PCGF2: variants seen among roughly 807,000 people sequenced by gnomAD.
PCGF2 encodes the protein polycomb group RING finger protein 2.
Under a neutral mutation model 36.1 loss-of-function variants are expected in PCGF2, and 8 were observed. That is an observed-to-expected ratio of 0.22 (90% CI 0.13 to 0.40). PCGF2 has a LOEUF of 0.40. Ranked by LOEUF, PCGF2 falls within the 10% of genes least tolerant of loss-of-function variation. The pLI, the probability that PCGF2 is intolerant of heterozygous loss-of-function variation, is 1.00. For missense variants in PCGF2, 436 were observed against 475.9 expected, an observed-to-expected ratio of 0.92 and a Z score of 0.78; for synonymous variants, 198 against 191.2, an observed-to-expected ratio of 1.04 and a Z score of -0.29.
rs1907022207 is a variant in PCGF2, at chr17:38,739,428, G to A, written c.209+158C>T. Among the ~76,000 whole-genome samples, 1 of 151,990 alleles carries A rather than the reference G, an allele frequency of 6.6e-6. No individual in the cohort carries two copies. The highest frequency in any genetic ancestry group is 1.5e-5 in the Non-Finnish European group (1 of 67,978). On this transcript the variant is annotated intron_variant, in intron 4 of 10. Transcript: ENST00000620225. The surrounding 1 kb of genome is among the most constrained non-coding windows in gnomAD (Gnocchi z 4.0). Reference sequence around the variant, plus strand: ...CCTCTAGTATGCCTCACCCTGTGATGAGCCAAATGTAACCCCAAGGTCGGG... The same window carrying A: ...CCTCTAGTATGCCTCACCCTGTGATAAGCCAAATGTAACCCCAAGGTCGGG...
chr17:38,738,801 C>G lies in PCGF2; in HGVS notation c.377G>C (p.Ser126Thr). 1 of 1,614,178 alleles carries G rather than the reference C, an allele frequency of 6.2e-7. No individual in the cohort carries two copies. The highest frequency in any genetic ancestry group is 8.5e-7 in the Non-Finnish European group (1 of 1,179,998). ...GGAGAGGCTGACAATCTCATCATCA[C>G]TCAGAGCCCCCTTCTCCTGCTCCAA... ...EVLEQEKGAL[S>T]DDEIVSLSIE... The change falls in exon 7 of 11, where the codon AGT becomes ACT. Residue 126 changes from serine (S) to threonine (T), a missense_variant. Ser to Thr is a moderately conservative substitution (Grantham distance 58). Around this residue, in one of 3 missense-constraint regions of PCGF2, gnomAD observed 189 missense variants for 219.3 expected, o/e 0.86. Transcript: ENST00000620225.
In PCGF2 at chr17:38,736,112, G is replaced by A. The variant is rs1446850294; in HGVS notation, c.635C>T (p.Ala212Val). 3 of 1,583,938 alleles carry A rather than the reference G, an allele frequency of 1.9e-6. No individual in the cohort carries two copies. Among genetic ancestry groups the A allele is most frequent in the Non-Finnish European group, 2.6e-6 (3 of 1,164,628 alleles). Residue 212 changes from alanine to valine, a missense_variant, in exon 10 of 11, where the codon GCC becomes GTC. This residue lies in a region of PCGF2 where 227 missense variants were observed against 212.9 expected (regional missense o/e 1.07). Coordinates refer to ENST00000620225, the MANE Select transcript of PCGF2 (RefSeq NM_007144.3). The part of the protein sequence containing the change: ...LKEYYTLMDI[A>V]YIYPWRRNGP... ...CACCCGCCGCCAGGGGTAGATGTAG[G>A]CGATGTCCATGAGGGTGTAGTATTC...
intron 2 of PCGF2, chr17:38,746,632 A>C (rs1267493118): frequency 6.6e-6 from 1 of 152,462 alleles, no homozygotes; most frequent in Non-Finnish European, 1.5e-5. Flanking sequence ...GGCTCTCTCC[A>C]TTCCCATGAC....
intron 9 of PCGF2, 107 bp from the exon 10 acceptor site, chr17:38,736,277 T>C: frequency 4.2e-6 from 3 of 713,938 alleles, no homozygotes; most frequent in Non-Finnish European, 7.6e-6. Context: ...GATTTACAGA[T>C]GGTCCCTTAT....
chr17:38,744,129 C>T (rs1320640739), intron 2 of PCGF2, among the ~76,000 whole-genome samples: 1 of 152,168 alleles, frequency 6.6e-6, no homozygotes, highest in African/African-American at 2.4e-5. Context: ...CCAAGCCCTT[C>T]AGTGTCTTCT....
At chr17:38,745,256 C>T (rs1320755017) in intron 2 of PCGF2, among the ~76,000 whole-genome samples, 4 of 152,160 alleles carry the variant, frequency 2.6e-5, no homozygotes, top group African/African-American at 9.7e-5. Context: ...CGCTTGAATC[C>T]AGGAGGCAGA....
At chr17:38,736,664 C>A (rs1906768148) in intron 9 of PCGF2, among the ~76,000 whole-genome samples, 1 of 151,996 alleles carries the variant, frequency 6.6e-6, no homozygotes, top group Non-Finnish European at 1.5e-5. Flanking sequence ...GAAACCCCGT[C>A]TCTACTAAAA....
chr17:38,742,895 A>T (rs1413968238), intron 2 of PCGF2, among the ~76,000 whole-genome samples: 1 of 152,150 alleles, frequency 6.6e-6, no homozygotes, highest in African/African-American at 2.4e-5. Flanking sequence ...GCCACCAACA[A>T]ACATGCTGAT....
chr17:38,735,111 C>A lies in PCGF2; in HGVS notation c.*112G>T, dbSNP rs1906578024. ...TATATTTATTTATAAAACCCGCCCC[C>A]CACCCCCAAGGTGGGAAGAGCTGGG... On this transcript the variant is annotated 3_prime_UTR_variant, in exon 11 of 11. Coordinates refer to ENST00000620225, the MANE Select transcript of PCGF2 (RefSeq NM_007144.3). 4.9e-6 allele frequency: 4 copies of A among 809,762 alleles called. No homozygotes were observed. Among genetic ancestry groups the A allele is most frequent in the Non-Finnish European group, 6.9e-6 (4 of 578,212 alleles). 50.2% of individuals were successfully genotyped at this position (809,762 alleles called of 1,614,324 possible).
Position 38,738,877 on chromosome 17 carries a change from GCT to G in PCGF2, c.317-18_317-17del. 4 of 1,607,582 alleles carry G rather than the reference GCT, an allele frequency of 2.5e-6. No homozygotes were observed. The highest frequency in any genetic ancestry group is 3.4e-6 in the Non-Finnish European group (4 of 1,174,444). On this transcript the variant is annotated splice_polypyrimidine_tract_variant and intron_variant, in intron 6 of 10. Transcript: ENST00000620225. ...CCGTTGGGGACTGCAGAAGGAAAGA[GCT>G]CTCGGGTTGGCGGAGGATGTAGGAA...
chr17:38,740,724 A>C (rs1353877858), intron 2 of PCGF2, among the ~76,000 whole-genome samples: 1 of 152,036 alleles, frequency 6.6e-6, no homozygotes, highest in Non-Finnish European at 1.5e-5. Context: ...ATGCCACTGC[A>C]CTCCAGCCTG....
chr17:38,748,824 C>A (rs1159687876), upstream of PCGF2, among the ~76,000 whole-genome samples: 1 of 152,112 alleles, frequency 6.6e-6, no homozygotes, highest in African/African-American at 2.4e-5. Flanking sequence ...GGCGTCCGAG[C>A]GATTTTCATT....
intron 2 of PCGF2, among the ~76,000 whole-genome samples, chr17:38,741,255 A>C (rs956790755): frequency 6.6e-6 from 1 of 151,908 alleles, no homozygotes; most frequent in African/African-American, 2.4e-5. Flanking sequence ...TGGGCGACAG[A>C]GCGAGACTCT....
chr17:38,742,600 G>A (rs3785458), intron 2 of PCGF2, among the ~76,000 whole-genome samples: 69 of 152,136 alleles, frequency 4.5e-4, no homozygotes, highest in Non-Finnish European at 9.1e-4. Context: ...CCCACCCCAC[G>A]CAGGGTGGCC....
At chr17:38,744,354 T>C (rs931313986) in intron 2 of PCGF2, among the ~76,000 whole-genome samples, 1 of 151,286 alleles carries the variant, frequency 6.6e-6, no homozygotes, top group Admixed American at 6.6e-5. Flanking sequence ...TTTCTCTCTC[T>C]CTCTTTTTTT....
chr17:38,744,487 C>G (rs530168224), intron 2 of PCGF2, among the ~76,000 whole-genome samples: 120 of 152,298 alleles, frequency 7.9e-4, no homozygotes, highest in Non-Finnish European at 1.4e-3. Flanking sequence ...TCCCAAGTAG[C>G]TGGGAATACA....
intron 2 of PCGF2, chr17:38,746,450 C>T (rs997785578): frequency 2.0e-5 from 3 of 152,688 alleles, no homozygotes; most frequent in African/African-American, 7.2e-5. Flanking sequence ...GAAACAGACC[C>T]TGCAAACACA....
intron 2 of PCGF2, among the ~76,000 whole-genome samples, chr17:38,743,961 C>T (rs2065053947): frequency 6.6e-6 from 1 of 152,054 alleles, no homozygotes; most frequent in Admixed American, 6.5e-5. Context: ...GAGTGGGAGA[C>T]ACAGATCCCA....
Position 38,735,087 on chromosome 17 carries a change from A to T in PCGF2, c.*136T>A, listed in dbSNP as rs1299846915. The T allele has an allele frequency of 1.2e-5, 6 of 516,512 alleles. No individual in the cohort carries two copies. The highest frequency in any genetic ancestry group is 3.2e-5 in the East Asian group (1 of 30,778). 32.0% of individuals were successfully genotyped at this position (516,512 alleles called of 1,614,324 possible). A position where few individuals can be genotyped will look rare whatever the true frequency, so the allele number is the denominator to read the frequency against. ...GTTTTTCCTATGTACATATATATAT[A>T]TATTTATTTATAAAACCCGCCCCCC... On this transcript the variant is annotated 3_prime_UTR_variant, in exon 11 of 11. Transcript: ENST00000620225.
Sources: gnomAD v4.1 joint callset for allele counts (sites outside exome capture counted in the v4.1 genomes callset) on GRCh38, gnomAD v4.1.1 for gene constraint, gnomAD v4.1.1 regional missense constraint, Gnocchi (gnomAD v3.1) non-coding constraint, MANE v1.5 for transcripts, NCBI Gene and HGNC (gene_info 2026-07-23, HGNC 2026-07-21) for gene names.